The following C8orf34 variants were observed in gnomAD, a reference collection of about 807,000 sequenced individuals.
C8orf34 encodes the protein chromosome 8 open reading frame 34.
A neutral mutation model predicts 68.3 loss-of-function variants in C8orf34; 65 were observed. The observed-to-expected ratio is 0.95, with a 90% CI of 0.78 to 1.17. The LOEUF is 1.17. Among genes scored for constraint, C8orf34 ranks in the 50% most tolerant of loss-of-function variants. C8orf34 has a pLI of 0.00. For synonymous variants in C8orf34, 244 were observed against 241.2 expected (o/e 1.01, Z -0.11); for missense variants, 664 against 655.4 (o/e 1.01, Z -0.14).
At chr8:68,716,523 C>G (rs888886023) in intron 9 of C8orf34, among the ~76,000 whole-genome samples, 2 of 151,942 alleles carry the variant, frequency 1.3e-5, no homozygotes, top group African/African-American at 4.8e-5. Context: ...GTCCAACAAG[C>G]AGATGAAAAA....
At chr8:68,769,193 G>A (rs1451855488) in intron 10 of C8orf34, among the ~76,000 whole-genome samples, 1 of 150,920 alleles carries the variant, frequency 6.6e-6, no homozygotes, top group Non-Finnish European at 1.5e-5. Flanking sequence ...CTTGCTTTTT[G>A]TTTTCTTCCT....
intron 4 of C8orf34, among the ~76,000 whole-genome samples, chr8:68,487,141 T>C (rs1266387502): frequency 6.6e-6 from 1 of 152,200 alleles, no homozygotes; most frequent in Non-Finnish European, 1.5e-5. Context: ...GCAGTAAAGA[T>C]GTGCCATATA....
At chr8:68,433,773 T>A (rs1810544387) in intron 1 of C8orf34, among the ~76,000 whole-genome samples, 1 of 152,242 alleles carries the variant, frequency 6.6e-6, no homozygotes, top group Admixed American at 6.5e-5. Context: ...GAAATGGATC[T>A]TTTACTAATA....
At chr8:68,485,012 C>T (rs903841341) in intron 4 of C8orf34, among the ~76,000 whole-genome samples, 6 of 152,172 alleles carry the variant, frequency 3.9e-5, no homozygotes, top group Non-Finnish European at 7.3e-5. Context: ...TTCTCCAAAC[C>T]AAGTTTTCCA....
Position 68,353,566 on chromosome 8 carries a change from CAT to C in C8orf34, c.327+22239_327+22240del, listed in dbSNP as rs200912607. Among the ~76,000 whole-genome samples the C allele has an allele frequency of 2.3e-3, 331 of 144,606 alleles. 5 individuals are homozygous for C. Among genetic ancestry groups the C allele is most frequent in the Non-Finnish European group, 2.2e-3 (143 of 66,162 alleles). The allele number at this position is 144,606 out of a possible 152,430, so 94.9% of individuals were successfully genotyped here. ...GTATATATACACATATGTGTGTGTG[CAT>C]ATATATATATACACAGTTGATGTAT... On this transcript the variant is annotated intron_variant, in intron 1 of 13. Coordinates refer to ENST00000518698, the MANE Select transcript of C8orf34 (RefSeq NM_052958.4).
rs547073483 is a variant in C8orf34 at position 68,690,517 on chromosome 8, G to A, written c.1242-18477G>A. Among the ~76,000 whole-genome samples the A allele has an allele frequency of 4.4e-4, 67 of 152,058 alleles. 2 individuals are homozygous for A. In the South Asian group the frequency reaches 0.014, roughly 32 times the overall value. On this transcript the variant is annotated intron_variant, in intron 8 of 13. Transcript: ENST00000518698. ...GGCGCCAGGAGATTCAATGTCTAGGGAGGGCCCATTTGTCATAGACAGCTT... is the reference window on the plus strand; with the variant it reads ...GGCGCCAGGAGATTCAATGTCTAGGAAGGGCCCATTTGTCATAGACAGCTT...
intron 6 of C8orf34, among the ~76,000 whole-genome samples, chr8:68,529,084 G>C (rs985039951): frequency 2.7e-4 from 41 of 152,214 alleles, no homozygotes; most frequent in Non-Finnish European, 5.6e-4. Flanking sequence ...AAAGTACGAT[G>C]GAACTTCTCT....
intron 1 of C8orf34, among the ~76,000 whole-genome samples, chr8:68,379,780 G>A (rs1370390105): frequency 6.6e-6 from 1 of 152,172 alleles, no homozygotes; most frequent in African/African-American, 2.4e-5. Flanking sequence ...CATTGTCTCG[G>A]ATAAAGATGT....
chr8:68,661,499 T>C (rs1386704985), intron 8 of C8orf34, among the ~76,000 whole-genome samples: 4 of 152,202 alleles, frequency 2.6e-5, no homozygotes, highest in Non-Finnish European at 5.9e-5. Flanking sequence ...TAGAATTTAT[T>C]AAGTGAAACG....
intron 4 of C8orf34, among the ~76,000 whole-genome samples, chr8:68,486,987 T>A (rs1414072733): frequency 6.6e-6 from 1 of 152,194 alleles, no homozygotes; most frequent in Non-Finnish European, 1.5e-5. Flanking sequence ...TCCAGCGCCC[T>A]GCCACAGTGC....
At chr8:68,569,680 A>T (rs1243585196) in intron 7 of C8orf34, among the ~76,000 whole-genome samples, 1 of 152,218 alleles carries the variant, frequency 6.6e-6, no homozygotes, top group Non-Finnish European at 1.5e-5. Flanking sequence ...AATTCAGGGA[A>T]ATAGTTTAGC....
At chr8:68,448,637 G>A (rs1467001134) in intron 3 of C8orf34, among the ~76,000 whole-genome samples, 1 of 151,974 alleles carries the variant, frequency 6.6e-6, no homozygotes, top group Non-Finnish European at 1.5e-5. Flanking sequence ...GGGAAACAAA[G>A]AACAGATTGG....
At chr8:68,525,956 CTTTTTTT>C (rs10692707) in intron 6 of C8orf34, 3 of 177,716 alleles carry the variant, frequency 1.7e-5, no homozygotes, top group African/African-American at 3.4e-5. Context: ...TTCTTTCTTT[CTTTTTTT>C]TTTTTTTTTT....
intron 1 of C8orf34, among the ~76,000 whole-genome samples, chr8:68,332,090 G>T (rs1585926668): frequency 6.7e-6 from 1 of 149,940 alleles, no homozygotes; most frequent in African/African-American, 2.4e-5. Flanking sequence ...AGCTGGTTTT[G>T]TTTTTTTTTC....
intron 5 of C8orf34, among the ~76,000 whole-genome samples, chr8:68,493,860 G>T (rs139471893): frequency 1.2e-3 from 179 of 152,286 alleles, no homozygotes; most frequent in African/African-American, 3.6e-3. Flanking sequence ...TTCAGATTCA[G>T]ACACTGAATC....
intron 1 of C8orf34, among the ~76,000 whole-genome samples, chr8:68,395,813 A>G (rs779601648): frequency 6.6e-6 from 1 of 152,120 alleles, no homozygotes; most frequent in Non-Finnish European, 1.5e-5. Context: ...TCAAGTGTCT[A>G]TGCTGGAGTT....
chr8:68,756,824 G>T (rs914462324), intron 10 of C8orf34, among the ~76,000 whole-genome samples: 1 of 152,110 alleles, frequency 6.6e-6, no homozygotes, highest in African/African-American at 2.4e-5. Flanking sequence ...TGTGTTGATT[G>T]ATATGATTTT....
intron 10 of C8orf34, among the ~76,000 whole-genome samples, chr8:68,766,282 G>A (rs1029395508): frequency 2.6e-5 from 4 of 152,104 alleles, no homozygotes; most frequent in Non-Finnish European, 4.4e-5. Flanking sequence ...CACCTTAGCC[G>A]TTTAGTCATT....
At chr8:68,343,880 C>T (rs1407633846) in intron 1 of C8orf34, among the ~76,000 whole-genome samples, 35 of 152,116 alleles carry the variant, frequency 2.3e-4, no homozygotes, top group Non-Finnish European at 1.5e-5. Flanking sequence ...GCGTGAGCCA[C>T]CATGCCAGGC....
Sources: gnomAD v4.1 joint callset for allele counts (sites outside exome capture counted in the v4.1 genomes callset) on GRCh38, gnomAD v4.1.1 for gene constraint, MANE v1.5 for transcripts, NCBI Gene and HGNC (gene_info 2026-07-23, HGNC 2026-07-21) for gene names.